The following ABTB2 variants were observed in gnomAD, a reference collection of about 807,000 sequenced individuals.
The protein encoded by ABTB2 is ankyrin repeat and BTB domain containing 2.
Under a neutral mutation model 104.1 loss-of-function variants are expected in ABTB2, and 56 were observed. The observed-to-expected ratio is 0.54, with a 90% CI of 0.43 to 0.67. ABTB2 has a LOEUF of 0.67. ABTB2 is among the 30% of genes least tolerant of loss of function. The pLI is 0.00. For synonymous variants in ABTB2, 606 were observed against 608.2 expected (o/e 1.00, Z 0.05); for missense variants, 1,279 against 1,407.7 (o/e 0.91, Z 1.46).
chr11:34,236,680 G>C (rs186669265), intron 1 of ABTB2, among the ~76,000 whole-genome samples: 1 of 152,206 alleles, frequency 6.6e-6, no homozygotes, highest in Admixed American at 6.5e-5. Context: ...TTGAGATGCC[G>C]ATACATCAGG....
chr11:34,185,576 C>G (rs1043880760), intron 3 of ABTB2, among the ~76,000 whole-genome samples: 1 of 9,118 alleles, frequency 1.1e-4, no homozygotes, highest in African/African-American at 1.2e-4. Context: ...GCAGAAACAG[C>G]CTTTGTAGAG....
At position 34,154,123 on chromosome 11, in the gene ABTB2, C is replaced by T. The variant is rs1852586363; in HGVS notation, c.2880+142G>A. ...CAGGCAACACAGGGAGTTGCTAACC[C>T]TCCCTCAGCCTCTACACTGCCCTCA... On this transcript the variant is annotated intron_variant, in intron 16 of 16. Coordinates refer to ENST00000435224, the MANE Select transcript of ABTB2 (RefSeq NM_145804.3). This position sits in a 1 kb window ranked among gnomAD's most constrained non-coding sequence, Gnocchi z 4.9. 6.2e-6 allele frequency: 4 copies of T among 646,876 alleles called. No homozygotes were observed. Among genetic ancestry groups the T allele is most frequent in the Non-Finnish European group, 1.1e-5 (4 of 358,060 alleles). The allele number at this position is 646,876 out of a possible 1,614,324, so 40.1% of individuals were successfully genotyped here.
intron 1 of ABTB2, among the ~76,000 whole-genome samples, chr11:34,328,429 C>T (rs1268732): frequency 0.91 from 137,712 of 152,146 alleles, 62,533 homozygotes; most frequent in East Asian, 1. Context: ...GGCAGGCTGC[C>T]TAACCTCCCC....
In ABTB2 at chr11:34,167,966, G is replaced by A. The variant is rs748040997; in HGVS notation, c.1590C>T (p.Cys530=). The A allele has an allele frequency of 7.3e-5, 118 of 1,614,098 alleles. 1 individual carries two copies. The highest frequency in any genetic ancestry group is 2.3e-4 in the African/African-American group (17 of 74,958). ...DQGMTPLMYA[C]AAGDEAMVQM... ...GGACCATCGCTTCGTCCCCAGCAGCGCAGGCGTACATCAGTGGCGTCATAC... is the reference window on the plus strand; with the variant it reads ...GGACCATCGCTTCGTCCCCAGCAGCACAGGCGTACATCAGTGGCGTCATAC... Residue 530 remains cysteine (C), a synonymous_variant, in exon 6 of 17, where the codon TGC becomes TGT. Coordinates refer to ENST00000435224, the MANE Select transcript of ABTB2 (RefSeq NM_145804.3).
rs1590198800 is a variant in ABTB2 at position 34,152,401 on chromosome 11, T to G, written c.3064A>C (p.Thr1022Pro). ...CGCCCCCTGCCTCACACCCGGGAGG[T>G]GATGTAGACAGAGTGCACGCGCTCT... ...LAERVHSVYITSRV is the reference protein window; with the variant it reads ...LAERVHSVYIPSRV The change falls in exon 17 of 17, where the codon ACC (threonine) becomes CCC (proline). Residue 1022 changes from threonine to proline, a missense_variant. Coordinates refer to ENST00000435224, the MANE Select transcript of ABTB2 (RefSeq NM_145804.3). 1.3e-6 allele frequency: 2 copies of G among 1,568,292 alleles called. No individual in the cohort carries two copies. Among genetic ancestry groups the G allele is most frequent in the East Asian group, 2.3e-5 (1 of 42,828 alleles).
chr11:34,163,913 C>T (rs578106611), intron 9 of ABTB2, among the ~76,000 whole-genome samples: 1 of 139,890 alleles, frequency 7.1e-6, no homozygotes, highest in East Asian at 2.1e-4. Context: ...TGGGGTGGAG[C>T]GGCCTAGAGG....
rs766620314 is a variant in ABTB2 at position 34,160,349 on chromosome 11, T to C, written c.2402A>G (p.Asp801Gly). Residue 801 changes from aspartate to glycine, a missense_variant, in exon 12 of 17, where the codon GAC becomes GGC. Coordinates refer to ENST00000435224, the MANE Select transcript of ABTB2 (RefSeq NM_145804.3). ...GGTAGCCAGTTGCTGGATGACGGAG[T>C]CGTTCTGTGGGGAGAGGAGAGAGGG... ...MFDILKTSKN[D>G]SVIQQLATIF... The C allele has an allele frequency of 3.0e-5, 48 of 1,613,242 alleles. No individual in the cohort carries two copies. Among genetic ancestry groups the C allele is most frequent in the Non-Finnish European group, 3.6e-5 (43 of 1,179,568 alleles).
rs926304181 is a variant in ABTB2 at position 34,165,098 on chromosome 11, G to T, written c.1852+162C>A. On this transcript the variant is annotated intron_variant, in intron 8 of 16. Transcript: ENST00000435224. The stretch of plus-strand genomic sequence containing the variant: ...TGAGCCCAACAGAAACTGATGGGTG[G>T]GGCCAGGGGAAGCCCCCAGTGGTCC... 2.0e-5 allele frequency among the ~76,000 whole-genome samples: 3 copies of T among 152,208 alleles called. No individual in the cohort carries two copies. In the South Asian group the frequency reaches 6.2e-4, roughly 31 times the overall value.
At chr11:34,237,847 G>A (rs1349055191) in intron 1 of ABTB2, among the ~76,000 whole-genome samples, 5 of 152,102 alleles carry the variant, frequency 3.3e-5, no homozygotes, top group African/African-American at 4.8e-5. Flanking sequence ...GCAGTGGGCC[G>A]AGATCGCACC....
chr11:34,152,417 C>A lies in ABTB2; in HGVS notation c.3048G>T (p.Val1016=), dbSNP rs148487808. The change falls in exon 17 of 17, where the codon GTG becomes GTT. Residue 1016 remains valine, a synonymous_variant. Transcript: ENST00000435224. ...QDLQNTLAER[V]HSVYITSRV is the part of the protein sequence containing the mutation. ...CCCGGGAGGTGATGTAGACAGAGTG[C>A]ACGCGCTCTGCCAGGGTGTTCTGCA... The A allele has an allele frequency of 5.1e-6, 8 of 1,583,198 alleles. No homozygotes were observed. In the African/African-American group the frequency reaches 1.1e-4, roughly 21 times the overall value.
At chr11:34,173,363 G>A in intron 3 of ABTB2, 56 bp from the exon 4 acceptor site, 1 of 1,512,270 alleles carries the variant, frequency 6.6e-7, no homozygotes, top group Non-Finnish European at 8.9e-7. Flanking sequence ...CAGGGCAGCA[G>A]AGAGAGGGTC....
At chr11:34,287,277 G>A (rs926365612) in intron 1 of ABTB2, among the ~76,000 whole-genome samples, 1 of 151,452 alleles carries the variant, frequency 6.6e-6, no homozygotes, top group African/African-American at 2.4e-5. Flanking sequence ...CACAGCAAAA[G>A]AAGAGATCTC....
chr11:34,324,021 C>T (rs1449999223), intron 1 of ABTB2, among the ~76,000 whole-genome samples: 1 of 143,750 alleles, frequency 7.0e-6, no homozygotes, highest in Non-Finnish European at 1.5e-5. Context: ...TCAAACAATG[C>T]TGCATCAGCC....
chr11:34,227,314 T>A (rs1853701459), intron 1 of ABTB2, among the ~76,000 whole-genome samples: 1 of 151,786 alleles, frequency 6.6e-6, no homozygotes, highest in South Asian at 2.1e-4. Flanking sequence ...TCTGTACCCA[T>A]TGGAAGTCAT....
At chr11:34,181,488 G>T (rs1371617019) in intron 3 of ABTB2, among the ~76,000 whole-genome samples, 1 of 152,144 alleles carries the variant, frequency 6.6e-6, no homozygotes, top group East Asian at 1.9e-4. Flanking sequence ...CACAAGCCTC[G>T]GGTCTCTGTT....
intron 1 of ABTB2, among the ~76,000 whole-genome samples, chr11:34,221,646 TA>T (rs989512998): frequency 1.3e-5 from 2 of 152,176 alleles, no homozygotes; most frequent in Non-Finnish European, 2.9e-5. Context: ...TCAGCTTGAA[TA>T]GGGGGGCTCA....
chr11:34,167,811 C>T, intron 6 of ABTB2, 92 bp downstream of exon 6: 1 of 1,344,508 alleles, frequency 7.4e-7, no homozygotes, highest in Non-Finnish European at 1.1e-6. Context: ...TACTCAGTTG[C>T]CCAAAACATC....
rs143943498 is a variant in ABTB2, at chr11:34,356,071, C to T, written c.883+630G>A. 2.1e-3 allele frequency among the ~76,000 whole-genome samples: 325 copies of T among 152,262 alleles called. No individual in the cohort carries two copies. The highest frequency in any genetic ancestry group is 3.9e-3 in the Non-Finnish European group (264 of 68,012). On this transcript the variant is annotated intron_variant, in intron 1 of 16. Coordinates refer to ENST00000435224, the MANE Select transcript of ABTB2 (RefSeq NM_145804.3). This position sits in a 1 kb window ranked among gnomAD's most constrained non-coding sequence, Gnocchi z 4.6. ...TGGTTACTTTTCTGGGAAGGGGAGT[C>T]GGGGTCCCCAGGTTTCATCATTCCT...
intron 3 of ABTB2, among the ~76,000 whole-genome samples, chr11:34,188,901 AT>A (rs565871575): frequency 5.4e-4 from 82 of 152,330 alleles, no homozygotes; most frequent in South Asian, 1.9e-3. Context: ...AGGTGCCTTG[AT>A]GTGGTACCTC....
Sources: gnomAD v4.1 joint callset for allele counts (sites outside exome capture counted in the v4.1 genomes callset) on GRCh38, gnomAD v4.1.1 for gene constraint, Gnocchi (gnomAD v3.1) non-coding constraint, MANE v1.5 for transcripts, NCBI Gene and HGNC (gene_info 2026-07-23, HGNC 2026-07-21) for gene names.